UBASH3B: variants seen among roughly 807,000 people sequenced by gnomAD.
The protein encoded by UBASH3B is ubiquitin-associated and SH3 domain-containing protein B.
UBASH3B carries 37 observed loss-of-function variants against 83.4 expected under a neutral mutation model. The observed-to-expected ratio is 0.44, with a 90% CI of 0.34 to 0.58. UBASH3B has a LOEUF of 0.58. UBASH3B is among the 20% of genes least tolerant of loss of function. The pLI is 0.01. For missense variants in UBASH3B, 657 were observed against 827.2 expected (o/e 0.79, Z 2.52); for synonymous variants, 304 against 318.3 (o/e 0.96, Z 0.48).
intron 1 of UBASH3B, among the ~76,000 whole-genome samples, chr11:122,664,022 C>A (rs1863482107): frequency 6.6e-6 from 1 of 152,210 alleles, no homozygotes; most frequent in Non-Finnish European, 1.5e-5. Flanking sequence ...ACATGGCTCC[C>A]TCTGTGGTTT....
chr11:122,794,621 C>T (rs1275724937), intron 6 of UBASH3B, 81 bp from the exon 7 acceptor site: 4 of 1,584,320 alleles, frequency 2.5e-6, no homozygotes, highest in Non-Finnish European at 3.4e-6. Context: ...GAGTTAACTC[C>T]CACACTCCTG....
intron 1 of UBASH3B, among the ~76,000 whole-genome samples, chr11:122,729,001 G>A (rs1278877673): frequency 1.5e-5 from 2 of 129,182 alleles, no homozygotes; most frequent in African/African-American, 5.0e-5. Context: ...CCCTGCTTTC[G>A]GCTCTATCAC....
intron 12 of UBASH3B, among the ~76,000 whole-genome samples, chr11:122,807,863 C>T (rs1479801593): frequency 1.3e-5 from 2 of 152,178 alleles, no homozygotes; most frequent in Non-Finnish European, 2.9e-5. Context: ...CCCCATAAAT[C>T]TGTAACTATT....
intron 1 of UBASH3B, among the ~76,000 whole-genome samples, chr11:122,719,449 A>G (rs1011320018): frequency 5.3e-5 from 8 of 152,034 alleles, no homozygotes; most frequent in African/African-American, 1.9e-4. Flanking sequence ...TTCTTTCATT[A>G]CTCTCTCCTT....
At chr11:122,720,823 AAACGCTTACTAT>A (rs1442780634) in intron 1 of UBASH3B, among the ~76,000 whole-genome samples, 1 of 152,100 alleles carries the variant, frequency 6.6e-6, no homozygotes, top group African/African-American at 2.4e-5. Flanking sequence ...ATTTTTTCCA[AAACGCTTACTAT>A]AACTGTCCTC....
chr11:122,772,240 T>C (rs1376905926), intron 1 of UBASH3B, among the ~76,000 whole-genome samples: 4 of 152,194 alleles, frequency 2.6e-5, no homozygotes, highest in African/African-American at 9.7e-5. Flanking sequence ...CTTGACACCC[T>C]GCACGTCTCC....
intron 1 of UBASH3B, among the ~76,000 whole-genome samples, chr11:122,701,872 AG>A (rs1203685198): frequency 6.6e-6 from 1 of 151,954 alleles, no homozygotes; most frequent in Non-Finnish European, 1.5e-5. Flanking sequence ...TTTGTTTCCA[AG>A]AAACTGTGTC....
intron 10 of UBASH3B, among the ~76,000 whole-genome samples, chr11:122,800,293 A>G (rs1861229745): frequency 6.6e-6 from 1 of 150,994 alleles, no homozygotes; most frequent in Admixed American, 6.7e-5. Flanking sequence ...TAATCCCAGC[A>G]CTTTGGGAGG....
chr11:122,694,444 C>A (rs918515542), intron 1 of UBASH3B, among the ~76,000 whole-genome samples: 3 of 152,104 alleles, frequency 2.0e-5, no homozygotes, highest in African/African-American at 7.2e-5. Context: ...CCTGTAGTCC[C>A]AGCTACTCAG....
intron 6 of UBASH3B, among the ~76,000 whole-genome samples, chr11:122,791,262 T>C (rs1472781955): frequency 6.6e-6 from 1 of 152,182 alleles, no homozygotes; most frequent in Admixed American, 6.5e-5. Context: ...CCAATAGTCT[T>C]GGATTTAAAC....
chr11:122,720,991 A>G lies in UBASH3B; in HGVS notation c.162-55228A>G, dbSNP rs1240434407. ...CCAGGCGCGGTGGCTCACGCCTGTA[A>G]TCCCAGCACTTTGGGAGGCCGAGGT... On this transcript the variant is annotated intron_variant, in intron 1 of 13. Coordinates refer to ENST00000284273, the MANE Select transcript of UBASH3B (RefSeq NM_032873.5). Among the ~76,000 whole-genome samples the G allele has an allele frequency of 2.6e-5, 4 of 151,980 alleles. No homozygotes were observed. In the South Asian group the frequency reaches 6.2e-4, roughly 24 times the overall value.
chr11:122,764,036 C>G (rs1400394707), intron 1 of UBASH3B, among the ~76,000 whole-genome samples: 1 of 151,960 alleles, frequency 6.6e-6, no homozygotes, highest in Non-Finnish European at 1.5e-5. Flanking sequence ...AAAGAGTGAC[C>G]AACTCTATCG....
rs1021381162 is a variant in UBASH3B at position 122,794,915 on chromosome 11, C to T, written c.1113+81C>T. On this transcript the variant is annotated intron_variant, in intron 7 of 13. Coordinates refer to ENST00000284273, the MANE Select transcript of UBASH3B (RefSeq NM_032873.5). ...CTATTTATTAAGCATGAGGCCTTGCCCTTGCTGTCTCCAAAGCTTCCACGA... is the reference window on the plus strand; with the variant it reads ...CTATTTATTAAGCATGAGGCCTTGCTCTTGCTGTCTCCAAAGCTTCCACGA... 1.9e-6 allele frequency: 3 copies of T among 1,558,086 alleles called. No homozygotes were observed. The African/African-American group carries it at 4.2e-5, about 22-fold the overall frequency.
At position 122,725,194 on chromosome 11, in the gene UBASH3B, T is replaced by G. The variant is rs1860712500; in HGVS notation, c.162-51025T>G. ...CATGTTGGCCAGGCTGGTCTGGAATTCCTGACCTCAGGTGATCCATCCACC... is the reference window on the plus strand; with the variant it reads ...CATGTTGGCCAGGCTGGTCTGGAATGCCTGACCTCAGGTGATCCATCCACC... On this transcript the variant is annotated intron_variant, in intron 1 of 13. Transcript: ENST00000284273. Among the ~76,000 whole-genome samples, 3 of 151,806 alleles carry G rather than the reference T, an allele frequency of 2.0e-5. No homozygotes were observed. In the South Asian group the frequency reaches 6.3e-4, roughly 32 times the overall value.
chr11:122,794,965 A>C, intron 7 of UBASH3B, 131 bp downstream of exon 7: 1 of 1,300,272 alleles, frequency 7.7e-7, no homozygotes. Flanking sequence ...AGTACACCAA[A>C]TTATAAAAGA....
At chr11:122,675,499 G>T (rs1269985342) in intron 1 of UBASH3B, among the ~76,000 whole-genome samples, 1 of 152,192 alleles carries the variant, frequency 6.6e-6, no homozygotes, top group East Asian at 1.9e-4. Context: ...GTTCTGTTTG[G>T]TCTGAGACCA....
At chr11:122,798,807 C>T (rs1014565027) in intron 9 of UBASH3B, 135 bp from the exon 10 acceptor site, 11 of 581,702 alleles carry the variant, frequency 1.9e-5, no homozygotes, top group African/African-American at 1.7e-4. Flanking sequence ...AAGGCTGAAA[C>T]TACTGGCTCT....
Position 122,809,841 on chromosome 11 carries a change from A to G in UBASH3B, c.1905A>G (p.Gly635=). The G allele has an allele frequency of 6.2e-7, 1 of 1,614,170 alleles. No individual in the cohort carries two copies. The highest frequency in any genetic ancestry group is 8.5e-7 in the Non-Finnish European group (1 of 1,180,030). The part of the protein sequence containing the change: ...TDPPILPLTH[G]PTGGFNWRET... ...CACCAATCCTTCCTCTTACCCATGGACCAACTGGGGGCTTCAACTGGAGAG... is the reference window on the plus strand; with the variant it reads ...CACCAATCCTTCCTCTTACCCATGGGCCAACTGGGGGCTTCAACTGGAGAG... Residue 635 remains glycine, a synonymous_variant, in exon 14 of 14, where the codon GGA becomes GGG. Coordinates refer to ENST00000284273, the MANE Select transcript of UBASH3B (RefSeq NM_032873.5).
At chr11:122,720,598 G>A (rs138198388) in intron 1 of UBASH3B, among the ~76,000 whole-genome samples, 163 of 152,208 alleles carry the variant, frequency 1.1e-3, no homozygotes, top group African/African-American at 3.8e-3. Flanking sequence ...CTGTTTCCTA[G>A]CATGTACCTC....
Sources: gnomAD v4.1 joint callset for allele counts (sites outside exome capture counted in the v4.1 genomes callset) on GRCh38, gnomAD v4.1.1 for gene constraint, MANE v1.5 for transcripts, NCBI Gene and HGNC (gene_info 2026-07-23, HGNC 2026-07-21) for gene names.